PTPRD: variants seen among roughly 807,000 people sequenced by gnomAD.
PTPRD encodes the protein protein tyrosine phosphatase receptor type D, also known as receptor-type tyrosine-protein phosphatase delta.
A neutral mutation model predicts 214.5 loss-of-function variants in PTPRD; 34 were observed. That is an observed-to-expected ratio of 0.16 (90% CI 0.12 to 0.21). The LOEUF (loss-of-function observed/expected upper bound fraction) is 0.21. Among genes scored for constraint, PTPRD ranks in the 10% least tolerant of loss-of-function variants. The probability of loss-of-function intolerance (pLI) is 1.00; values close to 1 mark genes in which losing one functional copy is unlikely to be tolerated. For missense variants in PTPRD, 2,545 were observed against 2,398.7 expected, an observed-to-expected ratio of 1.06 and a Z score of -1.27; for synonymous variants, 1,128 against 845.7, an observed-to-expected ratio of 1.33 and a Z score of -5.79.
At chr9:8,747,357 T>C (rs1357506474) in intron 11 of PTPRD, among the ~76,000 whole-genome samples, 2 of 151,934 alleles carry the variant, frequency 1.3e-5, no homozygotes, top group African/African-American at 2.4e-5. Flanking sequence ...TACAACAATA[T>C]GGAAAGAAAG....
chr9:10,495,749 G>C (rs967790474), intron 2 of PTPRD, among the ~76,000 whole-genome samples: 3 of 151,700 alleles, frequency 2.0e-5, no homozygotes, highest in African/African-American at 4.8e-5. Flanking sequence ...TAAATGCTAA[G>C]AAACAACATG....
intron 7 of PTPRD, among the ~76,000 whole-genome samples, chr9:9,576,322 T>G (rs1393088142): frequency 6.6e-6 from 1 of 152,180 alleles, no homozygotes; most frequent in African/African-American, 2.4e-5. Flanking sequence ...CTCTTTTTGA[T>G]GAAATGTTAG....
intron 12 of PTPRD, among the ~76,000 whole-genome samples, chr9:8,648,013 T>A (rs1407385657): frequency 6.6e-6 from 1 of 152,210 alleles, no homozygotes; most frequent in Non-Finnish European, 1.5e-5. Context: ...TCACCTGGGA[T>A]TATTTCACAT....
intron 10 of PTPRD, among the ~76,000 whole-genome samples, chr9:9,045,247 G>A (rs371874032): frequency 6.6e-6 from 1 of 152,144 alleles, no homozygotes; most frequent in Non-Finnish European, 1.5e-5. Context: ...CTGGAAATCA[G>A]AGCTTTTTTC....
At chr9:10,474,192 G>C (rs1342352750) in intron 2 of PTPRD, among the ~76,000 whole-genome samples, 2 of 151,890 alleles carry the variant, frequency 1.3e-5, no homozygotes, top group African/African-American at 4.8e-5. Context: ...AGGCTGGCAA[G>C]TTGGAGAGAG....
intron 7 of PTPRD, among the ~76,000 whole-genome samples, chr9:9,616,150 T>C: frequency 6.6e-6 from 1 of 152,300 alleles, no homozygotes; most frequent in East Asian, 1.9e-4. Flanking sequence ...AAGACACGCT[T>C]CAGAAGAGTA....
intron 35 of PTPRD, among the ~76,000 whole-genome samples, chr9:8,414,962 A>G (rs143265033): frequency 2.1e-4 from 31 of 149,744 alleles, no homozygotes; most frequent in African/African-American, 7.4e-4. Context: ...AGAGAGAGAG[A>G]GAGAGAGAGA....
intron 10 of PTPRD, among the ~76,000 whole-genome samples, chr9:9,119,309 C>CA (rs2099815352): frequency 1.3e-5 from 2 of 151,926 alleles, no homozygotes; most frequent in African/African-American, 2.4e-5. Flanking sequence ...TTAACAATAA[C>CA]AAAAAAATGA....
At chr9:9,825,347 A>G (rs1405536890) in intron 5 of PTPRD, among the ~76,000 whole-genome samples, 1 of 151,698 alleles carries the variant, frequency 6.6e-6, no homozygotes, top group Non-Finnish European at 1.5e-5. Flanking sequence ...AGACAAAGAA[A>G]GAGACAAAGA....
intron 6 of PTPRD, among the ~76,000 whole-genome samples, chr9:9,763,497 G>A (rs2098679271): frequency 6.6e-6 from 1 of 152,036 alleles, no homozygotes; most frequent in Non-Finnish European, 1.5e-5. Context: ...TATAATTTTA[G>A]TAACAGTAAA....
chr9:10,452,735 T>A (rs935126418), intron 2 of PTPRD, among the ~76,000 whole-genome samples: 1 of 151,864 alleles, frequency 6.6e-6, no homozygotes, highest in Non-Finnish European at 1.5e-5. Context: ...TTGCCTCATG[T>A]CAGATACATG....
chr9:10,445,560 G>C (rs1259520678), intron 2 of PTPRD, among the ~76,000 whole-genome samples: 3 of 152,084 alleles, frequency 2.0e-5, no homozygotes, highest in Non-Finnish European at 4.4e-5. Flanking sequence ...TTAGTAACCA[G>C]TTACAAATTG....
chr9:8,882,884 CAA>C (rs759863465), intron 11 of PTPRD, among the ~76,000 whole-genome samples: 2 of 101,032 alleles, frequency 2.0e-5, no homozygotes, highest in South Asian at 8.5e-4. Flanking sequence ...GGCTCTGTCT[CAA>C]AAAAAAAAAA....
At chr9:8,863,570 G>A (rs1566703578) in intron 11 of PTPRD, among the ~76,000 whole-genome samples, 1 of 152,158 alleles carries the variant, frequency 6.6e-6, no homozygotes, top group Admixed American at 6.5e-5. Context: ...CATACATTAA[G>A]CAGTGGATTT....
Position 9,758,184 on chromosome 9 carries a change from CT to C in PTPRD, c.-326+8625del, listed in dbSNP as rs34736489. Among the ~76,000 whole-genome samples, 12 of 144,156 alleles carry C rather than the reference CT, an allele frequency of 8.3e-5. No homozygotes were observed. In the South Asian group the frequency reaches 8.7e-4, roughly 11 times the overall value. The allele number at this position is 144,156 out of a possible 152,430, so 94.6% of individuals were successfully genotyped here. A position where few individuals can be genotyped will look rare whatever the true frequency, so the allele number is the denominator to read the frequency against. ...AAAAATTGTATTCTCCCTTAGCAGA[CT>C]TTTTTTTTTATTCCTGAATAAAAAC... On this transcript the variant is annotated intron_variant, in intron 6 of 45. Transcript: ENST00000381196.
intron 34 of PTPRD, chr9:8,438,724 G>C (rs935344029): frequency 9.2e-5 from 14 of 152,170 alleles, no homozygotes; most frequent in Non-Finnish European, 1.5e-4. Context: ...TCGTGGGAGA[G>C]AGTTATTATC....
intron 12 of PTPRD, among the ~76,000 whole-genome samples, chr9:8,691,619 A>G (rs2097802960): frequency 1.3e-5 from 2 of 152,166 alleles, no homozygotes; most frequent in Non-Finnish European, 2.9e-5. Context: ...GAATATACTT[A>G]TTGGTACAAA....
chr9:8,394,892 G>C (rs904628231), intron 36 of PTPRD, among the ~76,000 whole-genome samples: 7 of 152,058 alleles, frequency 4.6e-5, no homozygotes, highest in African/African-American at 1.4e-4. Context: ...GGAAGTAGTG[G>C]TACTAGGTGG....
At chr9:8,365,610 C>T (rs1186119565) in intron 39 of PTPRD, among the ~76,000 whole-genome samples, 2 of 152,114 alleles carry the variant, frequency 1.3e-5, no homozygotes, top group Non-Finnish European at 2.9e-5. Context: ...AGCAATGTGG[C>T]ACTCAGAGGT....
Sources: gnomAD v4.1 joint callset for allele counts (sites outside exome capture counted in the v4.1 genomes callset) on GRCh38, gnomAD v4.1.1 for gene constraint, MANE v1.5 for transcripts, NCBI Gene and HGNC (gene_info 2026-07-23, HGNC 2026-07-21) for gene names.